ZEB1: variants seen among roughly 807,000 people sequenced by gnomAD.
ZEB1 encodes zinc finger E-box binding homeobox 1.
ZEB1 carries 21 observed loss-of-function variants against 84.9 expected under a neutral mutation model. The ratio of observed to expected loss-of-function variants is 0.25; its 90% CI spans 0.18 to 0.36. The LOEUF is 0.36. Ranked by LOEUF, ZEB1 falls within the 10% of genes least tolerant of loss-of-function variation. ZEB1 has a pLI of 1.00. For missense variants in ZEB1, 1,104 were observed against 1,330.2 expected, an observed-to-expected ratio of 0.83 and a Z score of 2.65; for synonymous variants, 420 against 471.1, an observed-to-expected ratio of 0.89 and a Z score of 1.41.
chr10:31,345,007 A>C (rs2040053291), intron 1 of ZEB1, among the ~76,000 whole-genome samples: 1 of 152,124 alleles, frequency 6.6e-6, no homozygotes, highest in African/African-American at 2.4e-5. Context: ...AGAAAATAAA[A>C]ACATTTAAAA....
Position 31,520,534 on chromosome 10 carries a change from G to A in ZEB1, c.1202G>A (p.Gly401Asp). Residue 401 changes from glycine to aspartate, a missense_variant, in exon 7 of 9, where the codon GGT becomes GAT. Gly to Asp is a moderately conservative substitution (Grantham distance 94). Around this residue, in one of 7 missense-constraint regions of ZEB1, gnomAD observed 111 missense variants for 161.8 expected, o/e 0.69. Transcript: ENST00000424869. The surrounding 1 kb of genome is among the most constrained non-coding windows in gnomAD (Gnocchi z 5.1). ...MVQAVVLPTVGLVSPISINLS... is the reference protein window; with the variant it reads ...MVQAVVLPTVDLVSPISINLS... ...CAAGCTGTTGTTCTGCCAACAGTTG[G>A]TTTGGTGTCTCCCATAAGTATCAAT... is the stretch of plus-strand genomic sequence containing the variant. The A allele has an allele frequency of 6.2e-7, 1 of 1,613,722 alleles. No individual in the cohort carries two copies. Among genetic ancestry groups the A allele is most frequent in the Non-Finnish European group, 8.5e-7 (1 of 1,179,706 alleles).
chr10:31,460,339 A>T (rs2061673896), intron 1 of ZEB1, among the ~76,000 whole-genome samples: 1 of 152,142 alleles, frequency 6.6e-6, no homozygotes, highest in Non-Finnish European at 1.5e-5. Flanking sequence ...AGTTATTCAG[A>T]ATGACAAACT....
At chr10:31,499,555 G>A (rs2067803990) in intron 3 of ZEB1, among the ~76,000 whole-genome samples, 1 of 151,876 alleles carries the variant, frequency 6.6e-6, no homozygotes, top group Non-Finnish European at 1.5e-5. Flanking sequence ...CATATTTTGA[G>A]GAATTCTATA....
intron 2 of ZEB1, among the ~76,000 whole-genome samples, chr10:31,485,485 T>C (rs1591766732): frequency 6.6e-6 from 1 of 152,018 alleles, no homozygotes; most frequent in East Asian, 1.9e-4. Flanking sequence ...GTAAAACTAC[T>C]CATAAGATTT....
At chr10:31,361,975 G>C (rs2043215471) in intron 1 of ZEB1, among the ~76,000 whole-genome samples, 1 of 150,930 alleles carries the variant, frequency 6.6e-6, no homozygotes, top group Non-Finnish European at 1.5e-5. Flanking sequence ...GCAGGGCAGA[G>C]GCGCTCCTCA....
At chr10:31,336,526 C>A (rs1167713371) in intron 1 of ZEB1, among the ~76,000 whole-genome samples, 1 of 152,018 alleles carries the variant, frequency 6.6e-6, no homozygotes, top group Non-Finnish European at 1.5e-5. Flanking sequence ...AAACACAGAG[C>A]AAAAGATTGG....
At chr10:31,320,018 C>T (rs1189784007) in intron 1 of ZEB1, 5 of 151,220 alleles carry the variant, frequency 3.3e-5, no homozygotes, top group East Asian at 2.0e-4. Flanking sequence ...AGTTGGGACC[C>T]GCGGGCCGGG....
intron 2 of ZEB1, among the ~76,000 whole-genome samples, chr10:31,468,035 G>T (rs1269691975): frequency 6.6e-6 from 1 of 151,994 alleles, no homozygotes; most frequent in East Asian, 1.9e-4. Flanking sequence ...AAATCCCAGG[G>T]CTAGCCCTCT....
intron 4 of ZEB1, among the ~76,000 whole-genome samples, chr10:31,510,317 C>G (rs755191410): frequency 9.9e-5 from 15 of 152,156 alleles, no homozygotes; most frequent in African/African-American, 1.4e-4. Flanking sequence ...TATACACTTA[C>G]AAAGACAACC....
At chr10:31,353,631 A>G (rs1040404434) in intron 1 of ZEB1, among the ~76,000 whole-genome samples, 1 of 152,268 alleles carries the variant, frequency 6.6e-6, no homozygotes, top group South Asian at 2.1e-4. Context: ...TCAGAGAAAG[A>G]AGTCTAAAGA....
intron 2 of ZEB1, among the ~76,000 whole-genome samples, chr10:31,476,557 T>C (rs2064223307): frequency 6.6e-6 from 1 of 151,984 alleles, no homozygotes. Context: ...GGTACCAGTC[T>C]TACAGAAACT....
rs541057324 is a variant in ZEB1, at chr10:31,344,809, A to T, written c.58+25517A>T. On this transcript the variant is annotated intron_variant, in intron 1 of 8. Coordinates refer to ENST00000424869, the MANE Select transcript of ZEB1 (RefSeq NM_001174096.2). ...ACTTGTTCTGGGTTATTTTGAACAT[A>T]TTAAGGTGGACTCCTGGAATAGTTG... Among the ~76,000 whole-genome samples the T allele has an allele frequency of 2.0e-5, 3 of 152,220 alleles. 1 individual carries two copies. In the South Asian group the frequency reaches 6.2e-4, roughly 32 times the overall value.
At chr10:31,446,149 G>A (rs2059738011) in intron 1 of ZEB1, among the ~76,000 whole-genome samples, 1 of 152,088 alleles carries the variant, frequency 6.6e-6, no homozygotes, top group African/African-American at 2.4e-5. Flanking sequence ...TCTTGGGAGA[G>A]TGTATGTGTC....
At chr10:31,382,956 A>G (rs1456043346) in intron 1 of ZEB1, among the ~76,000 whole-genome samples, 1 of 152,142 alleles carries the variant, frequency 6.6e-6, no homozygotes, top group Non-Finnish European at 1.5e-5. Context: ...TTTTAAAAAG[A>G]GAAATCTAAT....
chr10:31,487,389 A>T (rs2065887743), intron 2 of ZEB1, among the ~76,000 whole-genome samples: 1 of 151,398 alleles, frequency 6.6e-6, no homozygotes, highest in African/African-American at 2.4e-5. Context: ...ATTAATGAAC[A>T]TGGTGTGTGT....
intron 1 of ZEB1, among the ~76,000 whole-genome samples, chr10:31,434,952 G>A (rs976717385): frequency 6.6e-6 from 1 of 152,130 alleles, no homozygotes; most frequent in African/African-American, 2.4e-5. Flanking sequence ...CATTTTAGTG[G>A]GGGAGTGTGG....
Position 31,527,536 on chromosome 10 carries a change from A to C in ZEB1, c.*272A>C, listed in dbSNP as rs1358243278. 1 of 454,956 alleles carries C rather than the reference A, an allele frequency of 2.2e-6. No individual in the cohort carries two copies. Among genetic ancestry groups the C allele is most frequent in the African/African-American group, 2.0e-5 (1 of 51,046 alleles). The allele number at this position is 454,956 out of a possible 1,614,324, so 28.2% of individuals were successfully genotyped here. A position where few individuals can be genotyped will look rare whatever the true frequency, so the allele number is the denominator to read the frequency against. ...AGTTAGGAACAAGTTTGTAACATGC[A>C]GCAGATTAGAAAACCTTAATGACTC... On this transcript the variant is annotated 3_prime_UTR_variant, in exon 9 of 9. Transcript: ENST00000424869.
intron 1 of ZEB1, among the ~76,000 whole-genome samples, chr10:31,447,764 G>C (rs903234474): frequency 6.6e-6 from 1 of 152,126 alleles, no homozygotes; most frequent in Admixed American, 6.5e-5. Context: ...GGCTTGTAGG[G>C]TTTCTGCCGA....
At chr10:31,518,928 A>G (rs2071720559) in intron 6 of ZEB1, among the ~76,000 whole-genome samples, 1 of 152,194 alleles carries the variant, frequency 6.6e-6, no homozygotes, top group African/African-American at 2.4e-5. Flanking sequence ...TTTAAACTAT[A>G]GCATTGAAGT....
Sources: allele counts gnomAD v4.1 joint callset (sites outside exome capture counted in the v4.1 genomes callset), GRCh38; gene constraint gnomAD v4.1.1; regional missense constraint gnomAD v4.1.1; non-coding constraint Gnocchi (gnomAD v3.1); transcripts MANE v1.5; gene names NCBI Gene and HGNC (gene_info 2026-07-23, HGNC 2026-07-21).